The following CACNA2D1 variants were observed in gnomAD, a reference collection of about 807,000 sequenced individuals.
The protein encoded by CACNA2D1 is voltage-dependent calcium channel subunit alpha-2/delta-1.
CACNA2D1 carries 53 observed loss-of-function variants against 171.5 expected under a neutral mutation model. The observed-to-expected ratio is 0.31, with a 90% CI of 0.25 to 0.39. The LOEUF (loss-of-function observed/expected upper bound fraction) is 0.39. CACNA2D1 is among the 10% of genes least tolerant of loss of function. The probability of loss-of-function intolerance (pLI) is 1.00; values close to 1 mark genes in which losing one functional copy is unlikely to be tolerated. For missense variants in CACNA2D1, 903 were observed against 1,299.8 expected, an observed-to-expected ratio of 0.69 and a Z score of 4.69; for synonymous variants, 442 against 443.1, an observed-to-expected ratio of 1.00 and a Z score of 0.03.
Position 82,097,579 on chromosome 7 carries a change from G to A in CACNA2D1, c.527-12679C>T, listed in dbSNP as rs555691506. Among the ~76,000 whole-genome samples the A allele has an allele frequency of 3.3e-5, 5 of 152,180 alleles. No individual in the cohort carries two copies. The South Asian group carries it at 6.2e-4, about 19-fold the overall frequency. On this transcript the variant is annotated intron_variant, in intron 6 of 38. Transcript: ENST00000356860. ...ACAAAGATATGAACATTGGAAGAGA[G>A]GTACACTTGGGGACAACAGTGATAC... is the stretch of plus-strand genomic sequence containing the variant.
At chr7:81,961,847 T>C (rs1176794705) in intron 36 of CACNA2D1, 47 bp downstream of exon 36, 1 of 634,088 alleles carries the variant, frequency 1.6e-6, no homozygotes, top group South Asian at 1.8e-5. Context: ...TAACAGTATA[T>C]ACAATTTCTT....
At chr7:82,040,538 G>C (rs1803830388) in intron 10 of CACNA2D1, among the ~76,000 whole-genome samples, 1 of 150,262 alleles carries the variant, frequency 6.7e-6, no homozygotes, top group South Asian at 2.1e-4. Context: ...AAGTAGAGTA[G>C]AATAGCAGTC....
intron 26 of CACNA2D1, chr7:81,971,015 A>T: frequency 2.4e-6 from 1 of 411,656 alleles, no homozygotes; most frequent in Non-Finnish European, 4.5e-6. Flanking sequence ...ACTTGTAGAG[A>T]GGAATGTATA....
At chr7:82,321,575 G>A (rs1815892782) in intron 3 of CACNA2D1, among the ~76,000 whole-genome samples, 1 of 152,044 alleles carries the variant, frequency 6.6e-6, no homozygotes, top group African/African-American at 2.4e-5. Context: ...ATTTGATACT[G>A]TGTATAAAGC....
At chr7:82,377,189 T>A (rs563161642) in intron 1 of CACNA2D1, among the ~76,000 whole-genome samples, 4 of 152,356 alleles carry the variant, frequency 2.6e-5, no homozygotes, top group African/African-American at 7.2e-5. Context: ...ATTGGGGTCA[T>A]ACAGTCAGCT....
intron 1 of CACNA2D1, among the ~76,000 whole-genome samples, chr7:82,431,120 C>T (rs1039597574): frequency 6.6e-6 from 1 of 152,132 alleles, no homozygotes; most frequent in Non-Finnish European, 1.5e-5. Context: ...ACTTACACTC[C>T]ACCGCATCTC....
chr7:81,985,383 T>C (rs1054412896), intron 21 of CACNA2D1, among the ~76,000 whole-genome samples: 1 of 151,898 alleles, frequency 6.6e-6, no homozygotes, highest in Non-Finnish European at 1.5e-5. Context: ...TGTATTTTAG[T>C]AGAGACAGGG....
At chr7:82,417,079 T>C (rs1333808303) in intron 1 of CACNA2D1, among the ~76,000 whole-genome samples, 1 of 152,234 alleles carries the variant, frequency 6.6e-6, no homozygotes, top group Non-Finnish European at 1.5e-5. Flanking sequence ...TACATATATG[T>C]ATAGAAGTTG....
chr7:82,382,615 A>G (rs1157581615), intron 1 of CACNA2D1, among the ~76,000 whole-genome samples: 1 of 152,194 alleles, frequency 6.6e-6, no homozygotes, highest in African/African-American at 2.4e-5. Context: ...AAAAAAGGAA[A>G]GTGACCCCTT....
chr7:82,424,725 C>T (rs1324610200), intron 1 of CACNA2D1, among the ~76,000 whole-genome samples: 1 of 152,140 alleles, frequency 6.6e-6, no homozygotes, highest in East Asian at 1.9e-4. Context: ...CTAATGATGA[C>T]AGCACCCTTA....
chr7:82,291,451 A>ATC (rs1378675858), intron 3 of CACNA2D1, among the ~76,000 whole-genome samples: 1 of 135,506 alleles, frequency 7.4e-6, no homozygotes, highest in African/African-American at 2.7e-5. Context: ...TATTTTTATT[A>ATC]TATATATTAA....
At chr7:82,329,549 G>C (rs1401918665) in intron 3 of CACNA2D1, among the ~76,000 whole-genome samples, 4 of 152,226 alleles carry the variant, frequency 2.6e-5, no homozygotes, top group African/African-American at 9.6e-5. Flanking sequence ...TTGGAGGTTG[G>C]ATTGCTTTGT....
rs1343836936 is a variant in CACNA2D1, at chr7:82,146,362, A to ATATC, written c.355-9687_355-9686insGATA. On this transcript the variant is annotated intron_variant, in intron 4 of 38. Transcript: ENST00000356860. ...TGTGTAGAAGAAATGATATATATAT[A>ATATC]TCTTTACATATACATATTTATATTT... Among the ~76,000 whole-genome samples, 3 of 146,386 alleles carry ATATC rather than the reference A, an allele frequency of 2.0e-5. No individual in the cohort carries two copies. The Admixed American group carries it at 2.1e-4, about 10-fold the overall frequency.
intron 7 of CACNA2D1, among the ~76,000 whole-genome samples, chr7:82,070,126 C>G (rs1330615230): frequency 6.6e-6 from 1 of 152,154 alleles, no homozygotes; most frequent in African/African-American, 2.4e-5. Flanking sequence ...TGCTCAATTA[C>G]TATCATCCCA....
intron 5 of CACNA2D1, among the ~76,000 whole-genome samples, chr7:82,135,707 T>C (rs1195359737): frequency 6.6e-6 from 1 of 152,212 alleles, no homozygotes; most frequent in Non-Finnish European, 1.5e-5. Context: ...GTTTTATGTA[T>C]TTTTTCATTT....
chr7:81,974,423 C>A, intron 25 of CACNA2D1, 32 bp downstream of exon 25: 2 of 1,050,750 alleles, frequency 1.9e-6, no homozygotes, highest in East Asian at 2.4e-5. Context: ...GAACCACACT[C>A]AAGCAATCAT....
At chr7:82,055,566 T>C (rs1217873705) in intron 10 of CACNA2D1, among the ~76,000 whole-genome samples, 1 of 151,570 alleles carries the variant, frequency 6.6e-6, no homozygotes, top group African/African-American at 2.4e-5. Flanking sequence ...ATATACACCA[T>C]GGAATACTAT....
At chr7:82,428,014 T>C (rs756046347) in intron 1 of CACNA2D1, among the ~76,000 whole-genome samples, 1 of 151,844 alleles carries the variant, frequency 6.6e-6, no homozygotes, top group Non-Finnish European at 1.5e-5. Flanking sequence ...CATAGTGAGA[T>C]ACCAAGACTC....
chr7:82,169,474 AAAAT>A (rs1474903764), intron 4 of CACNA2D1, among the ~76,000 whole-genome samples: 1 of 152,066 alleles, frequency 6.6e-6, no homozygotes, highest in Non-Finnish European at 1.5e-5. Flanking sequence ...ATAAACAGTA[AAAAT>A]AAATAATATC....
Sources: allele counts gnomAD v4.1 joint callset (sites outside exome capture counted in the v4.1 genomes callset), GRCh38; gene constraint gnomAD v4.1.1; transcripts MANE v1.5; gene names NCBI Gene and HGNC (gene_info 2026-07-23, HGNC 2026-07-21).